ZNF276: variants seen among roughly 807,000 people sequenced by gnomAD.
The protein encoded by ZNF276 is centromere protein Z.
A neutral mutation model predicts 63.9 loss-of-function variants in ZNF276; 59 were observed. The observed-to-expected ratio is 0.92, with a 90% confidence interval of 0.75 to 1.15. ZNF276 has a LOEUF of 1.15. Ranked by LOEUF, ZNF276 falls within the 50% of genes most tolerant of loss-of-function variation. The probability of loss-of-function intolerance (pLI) is 0.00; values close to 1 mark genes in which losing one functional copy is unlikely to be tolerated. For synonymous variants in ZNF276, 496 were observed against 348.4 expected (o/e 1.42, Z -4.72); for missense variants, 1,084 against 843.8 (o/e 1.28, Z -3.53).
At position 89,740,003 on chromosome 16, in the gene ZNF276, T is replaced by G; in HGVS notation, c.*1757T>G. The G allele has an allele frequency of 6.2e-7, 1 of 1,614,134 alleles. No homozygotes were observed. On this transcript the variant is annotated 3_prime_UTR_variant, in exon 11 of 11. Coordinates refer to ENST00000443381, the MANE Select transcript of ZNF276 (RefSeq NM_001113525.2). ...GCAGCGTGTTTCTTACCACTCTCTG[T>G]CAACTGAAAGAGTGCCAGCCAGGAT...
In ZNF276 at chr16:89,737,990, G is replaced by A; in HGVS notation, c.1589G>A (p.Gly530Glu). The A allele has an allele frequency of 6.2e-7, 1 of 1,614,172 alleles. No individual in the cohort carries two copies. The highest frequency in any genetic ancestry group is 8.5e-7 in the Non-Finnish European group (1 of 1,180,042). ...GAKPLQCEVC[G>E]FQCRQRASLK... ...CTGTCCCCCAGGTGTGAGGTCTGTG[G>A]GTTCCAGTGCAGGCAGCGGGCATCC... is the stretch of plus-strand genomic sequence containing the variant. The change falls in exon 11 of 11, where the codon GGG (glycine) becomes GAG (glutamate). Residue 530 changes from glycine to glutamate, a missense_variant. Transcript: ENST00000443381.
intron 5 of ZNF276, among the ~76,000 whole-genome samples, chr16:89,728,838 C>T (rs2061555364): frequency 6.6e-6 from 1 of 152,228 alleles, no homozygotes; most frequent in South Asian, 2.1e-4. Flanking sequence ...CACCCAGCCA[C>T]TTTTGTGAAC....
At position 89,739,372 on chromosome 16, in the gene ZNF276, G is replaced by C. The variant is rs1400296929; in HGVS notation, c.*1126G>C. ...TGCCAAGGGATACTGCTCATCTGTG[G>C]AGCAGAGGCACAGACAACCCTTCCC... On this transcript the variant is annotated 3_prime_UTR_variant, in exon 11 of 11. Transcript: ENST00000443381. The C allele has an allele frequency of 6.3e-7, 1 of 1,590,690 alleles. No individual in the cohort carries two copies. Among genetic ancestry groups the C allele is most frequent in the Middle Eastern group, 1.8e-4 (1 of 5,618 alleles).
intron 9 of ZNF276, 22 bp downstream of exon 9, chr16:89,734,060 C>T (rs776661894): frequency 2.2e-5 from 35 of 1,607,466 alleles, no homozygotes; most frequent in Non-Finnish European, 2.5e-5. Flanking sequence ...GCCAGTGTCG[C>T]CCACGCGGGT....
At chr16:89,731,896 G>C (rs2061665891) in intron 6 of ZNF276, 1 of 152,240 alleles carries the variant, frequency 6.6e-6, no homozygotes, top group Non-Finnish European at 1.5e-5. Flanking sequence ...CGTGTCATTT[G>C]TGAATAGGGA....
At chr16:89,733,208 C>T (rs1567579620) in intron 6 of ZNF276, 94 bp from the exon 7 acceptor site, 1 of 1,205,192 alleles carries the variant, frequency 8.3e-7, no homozygotes, top group Non-Finnish European at 1.2e-6. Flanking sequence ...CTCAGGGAAG[C>T]TTCAGAAAAG....
chr16:89,738,913 C>T lies in ZNF276; in HGVS notation c.*667C>T, dbSNP rs765683250. 4 of 1,614,140 alleles carry T rather than the reference C, an allele frequency of 2.5e-6. No individual in the cohort carries two copies. The highest frequency in any genetic ancestry group is 2.7e-5 in the African/African-American group (2 of 74,952). ...CACGTGTGAGAAGCTCTTTTTCGGG[C>T]ACCGAGGTATTAACTGCAGCAGAAA... On this transcript the variant is annotated 3_prime_UTR_variant, in exon 11 of 11. Coordinates refer to ENST00000443381, the MANE Select transcript of ZNF276 (RefSeq NM_001113525.2).
chr16:89,734,508 G>A (rs1054722206), intron 9 of ZNF276, among the ~76,000 whole-genome samples: 1 of 152,124 alleles, frequency 6.6e-6, no homozygotes, highest in African/African-American at 2.4e-5. Flanking sequence ...GTAATTTTTG[G>A]TAGAGACGGG....
intron 6 of ZNF276, among the ~76,000 whole-genome samples, chr16:89,730,671 G>A (rs78150584): frequency 0.022 from 3,377 of 152,284 alleles, 128 homozygotes; most frequent in African/African-American, 0.077. Context: ...AAACCGCTGC[G>A]CAGGAGGCAG....
chr16:89,739,387 C>T lies in ZNF276; in HGVS notation c.*1141C>T, dbSNP rs1207706705. On this transcript the variant is annotated 3_prime_UTR_variant, in exon 11 of 11. Coordinates refer to ENST00000443381, the MANE Select transcript of ZNF276 (RefSeq NM_001113525.2). ...CTCATCTGTGGAGCAGAGGCACAGA[C>T]AACCCTTCCCATCTGGCGGGACCCA... is the stretch of plus-strand genomic sequence containing the variant. 4 of 1,576,944 alleles carry T rather than the reference C, an allele frequency of 2.5e-6. No homozygotes were observed. The highest frequency in any genetic ancestry group is 3.5e-6 in the Non-Finnish European group (4 of 1,156,706).
chr16:89,727,773 G>T (rs1038837763), intron 5 of ZNF276, among the ~76,000 whole-genome samples: 1 of 152,194 alleles, frequency 6.6e-6, no homozygotes, highest in African/African-American at 2.4e-5. Context: ...CTGTTTTAGG[G>T]CCATAGTTTT....
intron 1 of ZNF276, among the ~76,000 whole-genome samples, chr16:89,722,169 C>T (rs1466399349): frequency 6.6e-6 from 1 of 152,194 alleles, no homozygotes; most frequent in African/African-American, 2.4e-5. Flanking sequence ...CCTCGCGGAG[C>T]CGGAAAGGAG....
Position 89,739,631 on chromosome 16 carries a change from G to A in ZNF276, c.*1385G>A, listed in dbSNP as rs568161085. 2.3e-5 allele frequency: 35 copies of A among 1,517,462 alleles called. No homozygotes were observed. Among genetic ancestry groups the A allele is most frequent in the South Asian group, 1.1e-4 (9 of 83,296 alleles). The allele number at this position is 1,517,462 out of a possible 1,614,324, so 94.0% of individuals were successfully genotyped here. On this transcript the variant is annotated 3_prime_UTR_variant, in exon 11 of 11. Coordinates refer to ENST00000443381, the MANE Select transcript of ZNF276 (RefSeq NM_001113525.2). ...AGTGCTGGGGACACCCCTGGGGGTC[G>A]GGACGTGTACCCTGGGAGGCCTGGC...
At chr16:89,722,126 C>T (rs538879819) in intron 1 of ZNF276, among the ~76,000 whole-genome samples, 1 of 152,250 alleles carries the variant, frequency 6.6e-6, no homozygotes, top group South Asian at 2.1e-4. Context: ...CTGGGGTGCC[C>T]GCGCGTGGGA....
chr16:89,734,036 C>G lies in ZNF276; in HGVS notation c.1472C>G (p.Thr491Arg), dbSNP rs1204442248. 1.9e-6 allele frequency: 3 copies of G among 1,613,872 alleles called. No individual in the cohort carries two copies. The highest frequency in any genetic ancestry group is 1.7e-5 in the Admixed American group (1 of 60,028). ...CAGCGCCACGTGAAGCTCATCCACA[C>G]AGGTACGCCTATCGCCAGTGTCGCC... ...YLQRHVKLIH[T>R]EVRNYICDEC... Residue 491 changes from threonine to arginine, a missense_variant and splice_region_variant, in exon 9 of 11, where the codon ACA becomes AGA. Transcript: ENST00000443381.
Position 89,721,836 on chromosome 16 carries a change from G to T in ZNF276, c.196G>T (p.Asp66Tyr). 8.2e-7 allele frequency: 1 copy of T among 1,218,092 alleles called. No homozygotes were observed. 75.5% of individuals were successfully genotyped at this position (1,218,092 alleles called of 1,614,324 possible). A position where few individuals can be genotyped will look rare whatever the true frequency, so the allele number is the denominator to read the frequency against. ...CGGGGACGCGGGCGAGGACGGCGCG[G>T]ACGAGGCAGGTGGGTCCGCGGCCCG... ...SCGDAGEDGA[D>Y]EAGAGRALAM... Residue 66 changes from aspartate (D) to tyrosine (Y), a missense_variant, in exon 1 of 11, where the codon GAC (aspartate) becomes TAC (tyrosine). Coordinates refer to ENST00000443381, the MANE Select transcript of ZNF276 (RefSeq NM_001113525.2).
rs940271022 is a variant in ZNF276, at chr16:89,739,753, G to T, written c.*1507G>T. 33 of 1,486,308 alleles carry T rather than the reference G, an allele frequency of 2.2e-5. No homozygotes were observed. The highest frequency in any genetic ancestry group is 2.9e-5 in the Non-Finnish European group (32 of 1,121,154). 92.1% of individuals were successfully genotyped at this position (1,486,308 alleles called of 1,614,324 possible). The stretch of plus-strand genomic sequence containing the variant: ...GGGGGGGTCGACCTCTTGCAGGAGG[G>T]TGGGTGTGGTGCAGAGAGAGGCAGT... On this transcript the variant is annotated 3_prime_UTR_variant, in exon 11 of 11. Coordinates refer to ENST00000443381, the MANE Select transcript of ZNF276 (RefSeq NM_001113525.2).
Position 89,738,076 on chromosome 16 carries a change from T to C in ZNF276, c.1675T>C (p.Cys559Arg). 1 of 1,614,044 alleles carries C rather than the reference T, an allele frequency of 6.2e-7. No individual in the cohort carries two copies. Among genetic ancestry groups the C allele is most frequent in the East Asian group, 2.2e-5 (1 of 44,878 alleles). ...TGAGCTGGACTTTGCCTGTGACCAG[T>C]GTGGCCGGCGGTTTGAGAAGGCCCA... ...ETELDFACDQ[C>R]GRRFEKAHNL... Residue 559 changes from cysteine to arginine, a missense_variant, in exon 11 of 11, where the codon TGT becomes CGT. Coordinates refer to ENST00000443381, the MANE Select transcript of ZNF276 (RefSeq NM_001113525.2).
At chr16:89,723,822 G>T in intron 4 of ZNF276, 113 bp downstream of exon 4, 3 of 1,186,764 alleles carry the variant, frequency 2.5e-6, no homozygotes, top group South Asian at 1.5e-5. Context: ...GGGGTGTGGT[G>T]TGAGAAGGAG....
Sources: allele counts gnomAD v4.1 joint callset (sites outside exome capture counted in the v4.1 genomes callset), GRCh38; gene constraint gnomAD v4.1.1; transcripts MANE v1.5; gene names NCBI Gene and HGNC (gene_info 2026-07-23, HGNC 2026-07-21).